Variants in MYO15B observed in about 807,000 individuals in gnomAD.
MYO15B encodes myosin XVB.
A neutral mutation model predicts 119.3 loss-of-function variants in MYO15B; 207 were observed. The observed-to-expected ratio is 1.73, with a 90% CI of 1.55 to 1.95. The LOEUF is 1.95. MYO15B is among the 30% of genes most tolerant of loss of function. The pLI, the probability that MYO15B is intolerant of heterozygous loss-of-function variation, is 0.00. For synonymous variants in MYO15B, 966 were observed against 498.9 expected, an observed-to-expected ratio of 1.94 and a Z score of -12.48; for missense variants, 2,264 against 1,203.1, an observed-to-expected ratio of 1.88 and a Z score of -13.04.
chr17:75,596,678 T>C, intron 13 of MYO15B, 90 bp from the exon 14 acceptor site: 1 of 670,358 alleles, frequency 1.5e-6, no homozygotes, highest in Non-Finnish European at 2.7e-6. Flanking sequence ...CCATGAGGTG[T>C]CTCAGTCTTC....
rs996897705 is a variant in MYO15B, at chr17:75,621,993, C to A, written c.8006-11C>A. 1 of 702,926 alleles carries A rather than the reference C, an allele frequency of 1.4e-6. No homozygotes were observed. The highest frequency in any genetic ancestry group is 1.7e-5 in the African/African-American group (1 of 57,402). The allele number at this position is 702,926 out of a possible 1,614,324, so 43.5% of individuals were successfully genotyped here. On this transcript the variant is annotated splice_polypyrimidine_tract_variant and intron_variant, in intron 52 of 63. Transcript: ENST00000645453. ...CCCAGCTATGTGCCCTGTTTCTTAT[C>A]GTGCCTGCAGCCCTGATGCGGTTTA...
exon 64 of MYO15B, chr17:75,626,721 G>A (rs2059088926): frequency 3.5e-6 from 2 of 573,188 alleles, no homozygotes; most frequent in East Asian, 2.9e-5. Flanking sequence ...GAACTCGGCT[G>A]GGGCACCTGA....
chr17:75,622,521 A>G (rs1371457621), intron 53 of MYO15B, among the ~76,000 whole-genome samples: 1 of 152,208 alleles, frequency 6.6e-6, no homozygotes, highest in Non-Finnish European at 1.5e-5. Flanking sequence ...TGGTGGGTCC[A>G]GGCCACCACA....
intron 29 of MYO15B, 32 bp downstream of exon 29, chr17:75,613,809 C>T (rs1212364706): frequency 2.9e-6 from 2 of 689,040 alleles, no homozygotes; most frequent in Non-Finnish European, 2.6e-6. Flanking sequence ...GACAGTGTGG[C>T]CAAAGTGACC....
exon 63 of MYO15B, chr17:75,626,215 T>C (rs760650843): frequency 2.8e-6 from 2 of 703,036 alleles, no homozygotes; most frequent in South Asian, 3.0e-5. Flanking sequence ...ACCATCTGGT[T>C]TGAGCTGCCA....
Position 75,589,481 on chromosome 17 carries a change from A to G in MYO15B, c.1424A>G (p.Asp475Gly). ...GAGGGGCGGGGTCACGAGAGAGGTG[A>G]CGAGGGCCGGGACCACCAGAGAGGG... The change falls in exon 1 of 64, where the codon GAC (aspartate) becomes GGC (glycine). Residue 475 changes from aspartate to glycine, a missense_variant. By Grantham distance (94) the Asp-to-Gly change is moderately conservative. Coordinates refer to ENST00000645453, the Ensembl canonical transcript of MYO15B. The surrounding 1 kb of genome is among the most constrained non-coding windows in gnomAD (Gnocchi z 4.2). 1 of 395,510 alleles carries G rather than the reference A, an allele frequency of 2.5e-6. No homozygotes were observed. The highest frequency in any genetic ancestry group is 4.4e-6 in the Non-Finnish European group (1 of 224,728). 24.5% of individuals were successfully genotyped at this position (395,510 alleles called of 1,614,324 possible). A position where few individuals can be genotyped will look rare whatever the true frequency, so the allele number is the denominator to read the frequency against.
exon 38 of MYO15B, chr17:75,616,424 G>A (rs1207193668): frequency 1.1e-5 from 7 of 631,056 alleles, no homozygotes; most frequent in Middle Eastern, 2.5e-4. Flanking sequence ...AGCAGGAGGA[G>A]CAAGAAGTGG....
exon 1 of MYO15B, chr17:75,588,501 G>T: frequency 7.5e-6 from 3 of 398,590 alleles, no homozygotes; most frequent in Non-Finnish European, 8.9e-6. Flanking sequence ...GCCTCAATGG[G>T]GACACGTCGG....
chr17:75,611,966 G>A (rs1220025902), exon 25 of MYO15B: 1 of 702,982 alleles, frequency 1.4e-6, no homozygotes, highest in East Asian at 2.7e-5. Context: ...GACTCTCCCA[G>A]CAGACATTGA....
chr17:75,610,141 G>T (rs1364344081), intron 21 of MYO15B, 25 bp from the exon 22 acceptor site: 2 of 687,810 alleles, frequency 2.9e-6, no homozygotes, highest in Non-Finnish European at 2.7e-6. Context: ...TCTTCATTTC[G>T]CCCCCGCTCT....
intron 7 of MYO15B, 49 bp from the exon 8 acceptor site, chr17:75,592,379 C>T (rs2056527269): frequency 5.8e-6 from 4 of 689,982 alleles, no homozygotes; most frequent in African/African-American, 3.5e-5. Context: ...CGGGGTGTGG[C>T]CTCTAAGCCC....
chr17:75,609,510 T>TG (rs1253287213), intron 21 of MYO15B, among the ~76,000 whole-genome samples: 3 of 142,218 alleles, frequency 2.1e-5, no homozygotes, highest in Admixed American at 1.4e-4. Flanking sequence ...TTTTTTTTTT[T>TG]GGTCAGTGTG....
intron 44 of MYO15B, 62 bp downstream of exon 44, chr17:75,619,280 G>T (rs2058561345): frequency 1.4e-6 from 1 of 702,560 alleles, no homozygotes; most frequent in Non-Finnish European, 2.6e-6. Flanking sequence ...CTGCCCTGAA[G>T]GAGGGAGCAG....
Position 75,611,749 on chromosome 17 carries a change from G to T in MYO15B, c.4504+91G>T, listed in dbSNP as rs1422424236. ...GTCCCTTGTGGTTCCTCCCTCTGAT[G>T]CTCCAGACTCCCCTGAGCTCATCAC... On this transcript the variant is annotated intron_variant, in intron 24 of 63. Transcript: ENST00000645453. 3 of 698,018 alleles carry T rather than the reference G, an allele frequency of 4.3e-6. No individual in the cohort carries two copies. In the Admixed American group the frequency reaches 6.0e-5, roughly 14 times the overall value. The allele number at this position is 698,018 out of a possible 1,614,324, so 43.2% of individuals were successfully genotyped here.
chr17:75,600,071 TG>T (rs1357585832), intron 14 of MYO15B, among the ~76,000 whole-genome samples: 1 of 147,692 alleles, frequency 6.8e-6, no homozygotes, highest in African/African-American at 2.5e-5. Context: ...TCGCCCAGGC[TG>T]GAGTGCAGTG....
Position 75,619,663 on chromosome 17 carries a change from CCCA to C in MYO15B, c.7183-12_7183-10del. On this transcript the variant is annotated splice_polypyrimidine_tract_variant and intron_variant, in intron 45 of 63. Transcript: ENST00000645453. ...GCAGGACCCAGGAGACTGCCCGAGA[CCCA>C]CCACCTTCCTGTAGGGCGAGAGTGG... 1.4e-6 allele frequency: 1 copy of C among 702,658 alleles called. No homozygotes were observed. Among genetic ancestry groups the C allele is most frequent in the Non-Finnish European group, 2.6e-6 (1 of 384,876 alleles). The allele number at this position is 702,658 out of a possible 1,614,324, so 43.5% of individuals were successfully genotyped here. A position where few individuals can be genotyped will look rare whatever the true frequency, so the allele number is the denominator to read the frequency against.
rs945219144 is a variant in MYO15B at position 75,621,950 on chromosome 17, G to A, written c.8006-54G>A. The A allele has an allele frequency of 2.0e-5, 14 of 698,380 alleles. No individual in the cohort carries two copies. The African/African-American group carries it at 2.1e-4, about 10-fold the overall frequency. 43.3% of individuals were successfully genotyped at this position (698,380 alleles called of 1,614,324 possible). On this transcript the variant is annotated intron_variant, in intron 52 of 63. Transcript: ENST00000645453. Reference sequence around the variant, plus strand: ...CCTGCACAGCAACAGCATGAGCCGGGGCCAGCCCCAGCACAGCCCCAGCTA... The same window carrying A: ...CCTGCACAGCAACAGCATGAGCCGGAGCCAGCCCCAGCACAGCCCCAGCTA...
Position 75,624,919 on chromosome 17 carries a change from C to A in MYO15B, c.8688+3C>A. 1 of 702,402 alleles carries A rather than the reference C, an allele frequency of 1.4e-6. No individual in the cohort carries two copies. The highest frequency in any genetic ancestry group is 1.5e-5 in the South Asian group (1 of 67,576). 43.5% of individuals were successfully genotyped at this position (702,402 alleles called of 1,614,324 possible). On this transcript the variant is annotated splice_donor_region_variant and intron_variant, in intron 59 of 63. Transcript: ENST00000645453. ...ACATCAGCACCCACTACAGCCAGGT[C>A]AGCCTGCCTGCCTCCGAGCTGCTGC...
At chr17:75,609,414 A>G (rs2057862226) in intron 21 of MYO15B, among the ~76,000 whole-genome samples, 1 of 150,372 alleles carries the variant, frequency 6.7e-6, no homozygotes, top group Admixed American at 6.6e-5. Context: ...GTCTCAAGCA[A>G]TTCTCCTTCC....
Sources: gnomAD v4.1 joint callset for allele counts (sites outside exome capture counted in the v4.1 genomes callset) on GRCh38, gnomAD v4.1.1 for gene constraint, Gnocchi (gnomAD v3.1) non-coding constraint, MANE v1.5 for transcripts, NCBI Gene and HGNC (gene_info 2026-07-23, HGNC 2026-07-21) for gene names.